Variants in TSPAN4 observed in about 807,000 individuals in gnomAD.
The protein encoded by TSPAN4 is tetraspanin 4.
In TSPAN4, 38 loss-of-function variants were observed where a neutral mutation model predicts 31.5. The observed-to-expected ratio is 1.21, with a 90% CI of 0.93 to 1.58. The LOEUF (loss-of-function observed/expected upper bound fraction) is 1.58. TSPAN4 is among the 40% of genes most tolerant of loss of function. The probability of loss-of-function intolerance (pLI) is 0.00; values close to 1 mark genes in which losing one functional copy is unlikely to be tolerated. For synonymous variants in TSPAN4, 186 were observed against 144.6 expected (o/e 1.29, Z -2.06); for missense variants, 330 against 317.3 (o/e 1.04, Z -0.30).
rs746232631 is a variant in TSPAN4, at chr11:850,266, C to G, written c.-17-22C>G. 1.1e-4 allele frequency: 171 copies of G among 1,588,332 alleles called. 2 individuals carry two copies. In the South Asian group the frequency reaches 1.9e-3, roughly 17 times the overall value. On this transcript the variant is annotated intron_variant, in intron 2 of 8. Coordinates refer to ENST00000397397, the MANE Select transcript of TSPAN4 (RefSeq NM_003271.5). ...CAAGTACGTGGTTTTCTACCTGGACCTCTCCTTCATCTTCCTCCTAGAACT... is the reference window on the plus strand; with the variant it reads ...CAAGTACGTGGTTTTCTACCTGGACGTCTCCTTCATCTTCCTCCTAGAACT...
chr11:862,388 C>A (rs1848505209), intron 3 of TSPAN4, 162 bp from the exon 4 acceptor site: 5 of 630,272 alleles, frequency 7.9e-6, no homozygotes, highest in Non-Finnish European at 1.3e-5. Flanking sequence ...CTGCCCTGGA[C>A]ACCCCCCCGG....
intron 5 of TSPAN4, 118 bp from the exon 6 acceptor site, chr11:865,395 C>A (rs958342212): frequency 1.3e-6 from 1 of 755,286 alleles, no homozygotes. Flanking sequence ...GGCTAGGAGG[C>A]GCGGGGGACA....
rs1847417112 is a variant in TSPAN4 at position 848,018 on chromosome 11, C to T, written c.-18+718C>T. On this transcript the variant is annotated intron_variant, in intron 2 of 8. Coordinates refer to ENST00000397397, the MANE Select transcript of TSPAN4 (RefSeq NM_003271.5). The surrounding 1 kb of genome is among the most constrained non-coding windows in gnomAD (Gnocchi z 5.7). ...TCAGCCTGGGGTCCTCCCGGGTCCC[C>T]GTGGCACCTGCCCTTGCCTGGCCCA... is the stretch of plus-strand genomic sequence containing the variant. 6.6e-6 allele frequency among the ~76,000 whole-genome samples: 1 copy of T among 152,194 alleles called. No individual in the cohort carries two copies. Among genetic ancestry groups the T allele is most frequent in the Non-Finnish European group, 1.5e-5 (1 of 68,022 alleles).
intron 3 of TSPAN4, among the ~76,000 whole-genome samples, chr11:853,747 T>G (rs556646179): frequency 2.0e-5 from 3 of 152,216 alleles, no homozygotes; most frequent in Admixed American, 2.0e-4. Context: ...CTTCAGCAAA[T>G]AGAGGCCCTC....
chr11:859,041 C>T (rs1216457443), intron 3 of TSPAN4, among the ~76,000 whole-genome samples: 1 of 138,030 alleles, frequency 7.2e-6, no homozygotes, highest in East Asian at 2.3e-4. Flanking sequence ...CTCACGCACC[C>T]CCGGGCTCAC....
Position 848,448 on chromosome 11 carries a change from T to C in TSPAN4, c.-18+1148T>C, listed in dbSNP as rs1014177668. On this transcript the variant is annotated intron_variant, in intron 2 of 8. Transcript: ENST00000397397. This position sits in a 1 kb window ranked among gnomAD's most constrained non-coding sequence, Gnocchi z 5.7. ...GGGCATGGGGTGCTGCCCTGGGGCTTGGGCTGCAGTTCTCTACAGAGCCCT... is the reference window on the plus strand; with the variant it reads ...GGGCATGGGGTGCTGCCCTGGGGCTCGGGCTGCAGTTCTCTACAGAGCCCT... Among the ~76,000 whole-genome samples, 1 of 151,924 alleles carries C rather than the reference T, an allele frequency of 6.6e-6. No individual in the cohort carries two copies. Among genetic ancestry groups the C allele is most frequent in the Non-Finnish European group, 1.5e-5 (1 of 67,926 alleles).
chr11:861,327 T>G (rs923952955), intron 3 of TSPAN4, among the ~76,000 whole-genome samples: 1 of 152,150 alleles, frequency 6.6e-6, no homozygotes, highest in Non-Finnish European at 1.5e-5. Context: ...TAAGAAATCA[T>G]AACTTGGCCG....
intron 2 of TSPAN4, chr11:849,806 G>GT (rs1372371849): frequency 6.8e-6 from 1 of 146,384 alleles, no homozygotes; most frequent in Admixed American, 6.8e-5. Context: ...AGGGCGCGGG[G>GT]CGGGGCGCGC....
chr11:853,830 A>G (rs1847890464), intron 3 of TSPAN4, among the ~76,000 whole-genome samples: 1 of 152,108 alleles, frequency 6.6e-6, no homozygotes, highest in African/African-American at 2.4e-5. Context: ...GAGGTTGGGG[A>G]GTGGGAAGCA....
At chr11:851,028 C>T (rs1468128868) in intron 3 of TSPAN4, among the ~76,000 whole-genome samples, 1 of 152,248 alleles carries the variant, frequency 6.6e-6, no homozygotes, top group Non-Finnish European at 1.5e-5. Context: ...GTCAGGTGTG[C>T]TCAGACCTGC....
rs144386173 is a variant in TSPAN4, at chr11:861,398, A to G, written c.64-1152A>G. ...GGGAGGCCGAGACGGGCTGATCATG[A>G]GGTCAGGAGATTGAGATCAAGACCA... On this transcript the variant is annotated intron_variant, in intron 3 of 8. Coordinates refer to ENST00000397397, the MANE Select transcript of TSPAN4 (RefSeq NM_003271.5). 1.6e-3 allele frequency among the ~76,000 whole-genome samples: 247 copies of G among 152,134 alleles called. 1 individual carries two copies. The highest frequency in any genetic ancestry group is 5.8e-3 in the African/African-American group (240 of 41,524).
intron 3 of TSPAN4, among the ~76,000 whole-genome samples, chr11:860,708 T>C (rs1417233483): frequency 6.6e-6 from 1 of 152,100 alleles, no homozygotes; most frequent in Non-Finnish European, 1.5e-5. Context: ...ATGGGGTGAC[T>C]TGGGGCTTCT....
At position 861,438 on chromosome 11, in the gene TSPAN4, C is replaced by T. The variant is rs1000285576; in HGVS notation, c.64-1112C>T. Among the ~76,000 whole-genome samples, 12 of 152,152 alleles carry T rather than the reference C, an allele frequency of 7.9e-5. 1 individual carries two copies. The highest frequency in any genetic ancestry group is 4.6e-4 in the Admixed American group (7 of 15,286). On this transcript the variant is annotated intron_variant, in intron 3 of 8. Transcript: ENST00000397397. ...GATCAAGACCATCCTGGCGGCTGGGCGTGGTGGCTCACGCCTGGAATCCCA... is the reference window on the plus strand; with the variant it reads ...GATCAAGACCATCCTGGCGGCTGGGTGTGGTGGCTCACGCCTGGAATCCCA...
rs927014287 is a variant in TSPAN4 at position 866,658 on chromosome 11, A to G, written c.*28A>G. 17 of 1,603,390 alleles carry G rather than the reference A, an allele frequency of 1.1e-5. No homozygotes were observed. The highest frequency in any genetic ancestry group is 1.4e-5 in the Non-Finnish European group (16 of 1,175,324). The stretch of plus-strand genomic sequence containing the variant: ...CGCCCACCGCCCGCTTCTCTGCCAA[A>G]AGGACGCCCACGGGGAGATGGCCGC... On this transcript the variant is annotated 3_prime_UTR_variant, in exon 9 of 9. Transcript: ENST00000397397.
intron 3 of TSPAN4, among the ~76,000 whole-genome samples, chr11:855,112 A>T (rs1267042702): frequency 2.6e-5 from 4 of 151,926 alleles, no homozygotes; most frequent in African/African-American, 9.7e-5. Context: ...AGACTTGTCC[A>T]CCCAGTGACA....
rs1038342187 is a variant in TSPAN4, at chr11:862,597, A to T, written c.111A>T (p.Thr37=). ...VLGVGIWLAA[T]QGSFATLSSS... The stretch of plus-strand genomic sequence containing the variant: ...GTGTCGGCATCTGGCTGGCCGCCAC[A>T]CAGGGGAGCTTCGCCACGCTGTCCT... The change falls in exon 4 of 9, where the codon ACA becomes ACT. Residue 37 remains threonine, a synonymous_variant. Coordinates refer to ENST00000397397, the MANE Select transcript of TSPAN4 (RefSeq NM_003271.5). 5 of 1,612,660 alleles carry T rather than the reference A, an allele frequency of 3.1e-6. No individual in the cohort carries two copies. Among genetic ancestry groups the T allele is most frequent in the Admixed American group, 3.3e-5 (2 of 59,980 alleles).
chr11:864,561 C>T (rs149558423), intron 5 of TSPAN4, 50 bp downstream of exon 5: 3 of 1,602,280 alleles, frequency 1.9e-6, no homozygotes, highest in Admixed American at 1.7e-5. Context: ...GGGCTCCATC[C>T]TCACTCCCAG....
chr11:859,012 G>A (rs1173053518), intron 3 of TSPAN4, among the ~76,000 whole-genome samples: 1 of 82,548 alleles, frequency 1.2e-5, no homozygotes, highest in Admixed American at 1.6e-4. Flanking sequence ...ACGCATCCCC[G>A]CTCACATGCA....
intron 3 of TSPAN4, chr11:862,168 C>T (rs1848494104): frequency 5.0e-6 from 1 of 201,312 alleles, no homozygotes; most frequent in Non-Finnish European, 9.9e-6. Flanking sequence ...GAGCCTTCTG[C>T]CCTGCGCAGA....
Sources: gnomAD v4.1 joint callset for allele counts (sites outside exome capture counted in the v4.1 genomes callset) on GRCh38, gnomAD v4.1.1 for gene constraint, Gnocchi (gnomAD v3.1) non-coding constraint, MANE v1.5 for transcripts, NCBI Gene and HGNC (gene_info 2026-07-23, HGNC 2026-07-21) for gene names.